Variants in TENM3 observed in about 807,000 individuals in gnomAD.
The protein encoded by TENM3 is teneurin transmembrane protein 3.
In TENM3, 63 loss-of-function variants were observed where a neutral mutation model predicts 255.1. The ratio of observed to expected loss-of-function variants is 0.25; its 90% CI spans 0.20 to 0.30. The LOEUF (loss-of-function observed/expected upper bound fraction) is 0.30, where lower values mean the gene tolerates loss of function less well. Among genes scored for constraint, TENM3 ranks in the 10% least tolerant of loss-of-function variants. The pLI is 1.00. For synonymous variants in TENM3, 1,306 were observed against 1,322.3 expected, an observed-to-expected ratio of 0.99 and a Z score of 0.27; for missense variants, 2,929 against 3,461.1, an observed-to-expected ratio of 0.85 and a Z score of 3.86.
chr4:182,355,103 G>A (rs994893853), intron 3 of TENM3, among the ~76,000 whole-genome samples: 2 of 152,150 alleles, frequency 1.3e-5, no homozygotes, highest in South Asian at 2.1e-4. Context: ...GCCCAGAGCC[G>A]ATTGTTGCCA....
the TENM3 span, among the ~76,000 whole-genome samples, chr4:182,035,083 T>C: frequency 6.6e-6 from 1 of 152,336 alleles, no homozygotes; most frequent in African/African-American, 2.4e-5. Flanking sequence ...TTCGTTCCTT[T>C]TCCAAATGCA....
intron 6 of TENM3, among the ~76,000 whole-genome samples, chr4:182,658,492 TG>T (rs1467631667): frequency 1.3e-5 from 2 of 152,234 alleles, no homozygotes; most frequent in Non-Finnish European, 1.5e-5. Flanking sequence ...CTACATATTT[TG>T]TAGACAGTGG....
the TENM3 span, among the ~76,000 whole-genome samples, chr4:181,500,435 T>C: frequency 6.6e-6 from 1 of 152,048 alleles, no homozygotes; most frequent in Non-Finnish European, 1.5e-5. Flanking sequence ...AAAAATATGC[T>C]CTTTCAAGTC....
chr4:182,745,599 C>G (rs1761950891), intron 19 of TENM3, among the ~76,000 whole-genome samples: 1 of 152,086 alleles, frequency 6.6e-6, no homozygotes, highest in African/African-American at 2.4e-5. Flanking sequence ...AGTAGAGGCT[C>G]CAGGAGATTA....
At chr4:181,576,080 T>C in the TENM3 span, among the ~76,000 whole-genome samples, 3 of 152,214 alleles carry the variant, frequency 2.0e-5, no homozygotes, top group Non-Finnish European at 4.4e-5. Flanking sequence ...GTCTCCACTA[T>C]GTAATTTCTG....
At chr4:182,215,440 A>G (rs992339618) in intron 1 of TENM3, among the ~76,000 whole-genome samples, 7 of 152,184 alleles carry the variant, frequency 4.6e-5, no homozygotes, top group Non-Finnish European at 8.8e-5. Flanking sequence ...TGAGCTCATC[A>G]TGTGGTGGTG....
At chr4:182,312,324 C>A (rs190743693) in intron 1 of TENM3, among the ~76,000 whole-genome samples, 2 of 152,046 alleles carry the variant, frequency 1.3e-5, no homozygotes, top group Non-Finnish European at 2.9e-5. Context: ...ATCGTACCAC[C>A]GTACTCCAGC....
chr4:181,906,093 C>T, the TENM3 span: 1 of 324,846 alleles, frequency 3.1e-6, no homozygotes, highest in South Asian at 3.2e-5. Flanking sequence ...AATTCCAGTC[C>T]TGAAGGCACT....
chr4:181,525,396 C>CAAAAAAAAAAA, the TENM3 span, among the ~76,000 whole-genome samples: 10 of 97,284 alleles, frequency 1.0e-4, no homozygotes, highest in South Asian at 2.0e-3. Context: ...GACCCTGTTT[C>CAAAAAAAAAAA]AAAAAAAAAA....
At chr4:182,378,349 G>A (rs901403742) in intron 3 of TENM3, among the ~76,000 whole-genome samples, 1 of 152,176 alleles carries the variant, frequency 6.6e-6, no homozygotes, top group Non-Finnish European at 1.5e-5. Flanking sequence ...GACAGACCTC[G>A]CACAAGTGAA....
At chr4:181,585,932 AGG>A in the TENM3 span, among the ~76,000 whole-genome samples, 2 of 152,214 alleles carry the variant, frequency 1.3e-5, no homozygotes, top group Non-Finnish European at 1.5e-5. Context: ...CACAGAGGCT[AGG>A]GGACCTGCAT....
At chr4:182,238,391 G>A (rs1486638583) in intron 1 of TENM3, among the ~76,000 whole-genome samples, 1 of 152,186 alleles carries the variant, frequency 6.6e-6, no homozygotes, top group African/African-American at 2.4e-5. Flanking sequence ...CCCCATGGCT[G>A]ATTCCTTATC....
intron 1 of TENM3, among the ~76,000 whole-genome samples, chr4:182,297,955 C>G (rs73869914): frequency 0.042 from 6,335 of 152,320 alleles, 248 homozygotes; most frequent in African/African-American, 0.1. Context: ...TGCTCCCACA[C>G]GAGGCCTGTG....
the TENM3 span, among the ~76,000 whole-genome samples, chr4:182,116,452 G>A: frequency 6.6e-6 from 1 of 152,104 alleles, no homozygotes; most frequent in Admixed American, 6.6e-5. Flanking sequence ...GATCATGGGG[G>A]TGGTTCCCCC....
At chr4:182,490,967 T>G (rs1735242743) in intron 3 of TENM3, among the ~76,000 whole-genome samples, 1 of 152,200 alleles carries the variant, frequency 6.6e-6, no homozygotes, top group African/African-American at 2.4e-5. Flanking sequence ...AATAAAAAGG[T>G]AATTTAACCT....
At chr4:182,745,031 A>T (rs1761905215) in intron 19 of TENM3, among the ~76,000 whole-genome samples, 1 of 152,170 alleles carries the variant, frequency 6.6e-6, no homozygotes, top group African/African-American at 2.4e-5. Flanking sequence ...TAGTTTGGTC[A>T]TTAAAATATC....
chr4:182,627,250 T>G (rs1750907161), intron 4 of TENM3, among the ~76,000 whole-genome samples: 1 of 152,172 alleles, frequency 6.6e-6, no homozygotes, highest in Non-Finnish European at 1.5e-5. Flanking sequence ...ATTAACTCAT[T>G]TAAGTTTCAT....
the TENM3 span, among the ~76,000 whole-genome samples, chr4:181,706,054 C>A: frequency 6.6e-6 from 1 of 152,120 alleles, no homozygotes; most frequent in East Asian, 1.9e-4. Flanking sequence ...ACCATCCTGG[C>A]AGGTAGCAGT....
chr4:181,938,104 TG>T, the TENM3 span, among the ~76,000 whole-genome samples: 1 of 152,210 alleles, frequency 6.6e-6, no homozygotes, highest in Non-Finnish European at 1.5e-5. Flanking sequence ...GATCTTAATG[TG>T]GAACTAAGCT....
Sources: gnomAD v4.1 joint callset for allele counts (sites outside exome capture counted in the v4.1 genomes callset) on GRCh38, gnomAD v4.1.1 for gene constraint, MANE v1.5 for transcripts, NCBI Gene and HGNC (gene_info 2026-07-23, HGNC 2026-07-21) for gene names.